The following CLVS1 variants were observed in gnomAD, a reference collection of about 807,000 sequenced individuals.
CLVS1 encodes clavesin-1.
Under a neutral mutation model 33.1 loss-of-function variants are expected in CLVS1, and 10 were observed. The ratio of observed to expected loss-of-function variants is 0.30; its 90% CI spans 0.19 to 0.51. The LOEUF (loss-of-function observed/expected upper bound fraction) is 0.51, where lower values mean the gene tolerates loss of function less well. CLVS1 is among the 20% of genes least tolerant of loss of function. The pLI, the probability that CLVS1 is intolerant of heterozygous loss-of-function variation, is 0.97. For synonymous variants in CLVS1, 163 were observed against 166.1 expected (o/e 0.98, Z 0.14); for missense variants, 343 against 433.4 (o/e 0.79, Z 1.85).
chr8:61,494,319 A>G (rs1804197058), intron 5 of CLVS1, among the ~76,000 whole-genome samples: 1 of 152,166 alleles, frequency 6.6e-6, no homozygotes, highest in Non-Finnish European at 1.5e-5. Context: ...GGAGAGAGAG[A>G]GAATAGCAGG....
chr8:61,330,884 G>A (rs1811567598), intron 2 of CLVS1, among the ~76,000 whole-genome samples: 2 of 150,932 alleles, frequency 1.3e-5, no homozygotes, highest in Admixed American at 1.3e-4. Flanking sequence ...GAGCCTGGGA[G>A]TTCAAGACCA....
At chr8:61,495,484 G>A (rs920234390) in intron 5 of CLVS1, among the ~76,000 whole-genome samples, 6 of 152,190 alleles carry the variant, frequency 3.9e-5, no homozygotes, top group African/African-American at 1.4e-4. Flanking sequence ...CCAAAACAGG[G>A]AAAGGGGAAG....
intron 3 of CLVS1, among the ~76,000 whole-genome samples, chr8:61,411,688 C>G (rs955361572): frequency 6.6e-6 from 1 of 152,168 alleles, no homozygotes; most frequent in Non-Finnish European, 1.5e-5. Context: ...AGTGGGAGCC[C>G]TGGCAAACCT....
At position 61,295,145 on chromosome 8, in the gene CLVS1, T is replaced by C. The variant is rs186022004; in HGVS notation, c.-151-4532T>C. Among the ~76,000 whole-genome samples the C allele has an allele frequency of 6.2e-4, 94 of 152,348 alleles. 1 individual carries two copies. Among genetic ancestry groups the C allele is most frequent in the Admixed American group, 3.1e-3 (48 of 15,304 alleles). On this transcript the variant is annotated intron_variant, in intron 1 of 5. Coordinates refer to ENST00000325897, the MANE Select transcript of CLVS1 (RefSeq NM_173519.3). ...GCCTTGCCGGAGAATGTTTGTGAATTACTCTCCATGCATTTGAAATGGTGT... is the reference window on the plus strand; with the variant it reads ...GCCTTGCCGGAGAATGTTTGTGAATCACTCTCCATGCATTTGAAATGGTGT...
intron 3 of CLVS1, among the ~76,000 whole-genome samples, chr8:61,439,807 G>A (rs1816473463): frequency 6.6e-6 from 1 of 151,810 alleles, no homozygotes; most frequent in Non-Finnish European, 1.5e-5. Context: ...TCTTTTGTGT[G>A]TTTTTTTAAT....
At chr8:61,223,590 T>C (rs1390164552) in intron 2 of CLVS1, among the ~76,000 whole-genome samples, 1 of 152,208 alleles carries the variant, frequency 6.6e-6, no homozygotes, top group Non-Finnish European at 1.5e-5. Context: ...ACCTGGCCTT[T>C]TTCTCTGGCT....
At chr8:61,350,529 A>C (rs1260099574) in intron 2 of CLVS1, among the ~76,000 whole-genome samples, 1 of 152,178 alleles carries the variant, frequency 6.6e-6, no homozygotes, top group Admixed American at 6.6e-5. Flanking sequence ...CCTGAATGGC[A>C]GTTTTACCCT....
At chr8:61,194,196 C>T (rs1807554052) in intron 2 of CLVS1, among the ~76,000 whole-genome samples, 2 of 151,924 alleles carry the variant, frequency 1.3e-5, no homozygotes, top group Admixed American at 6.6e-5. Context: ...GTACATTTAT[C>T]CTAATGTACC....
chr8:60,971,422 G>T, the CLVS1 span, among the ~76,000 whole-genome samples: 1 of 152,034 alleles, frequency 6.6e-6, no homozygotes, highest in African/African-American at 2.4e-5. Context: ...TTGTTTTGTG[G>T]GTGCAGTATC....
intron 2 of CLVS1, among the ~76,000 whole-genome samples, chr8:61,374,611 C>G (rs982737010): frequency 4.6e-5 from 7 of 152,140 alleles, no homozygotes; most frequent in Non-Finnish European, 7.3e-5. Context: ...CACACAAAGT[C>G]CCAATGAAAA....
the CLVS1 span, among the ~76,000 whole-genome samples, chr8:60,970,202 T>A: frequency 2.6e-5 from 4 of 152,238 alleles, no homozygotes; most frequent in Non-Finnish European, 4.4e-5. Context: ...CAACTCTGAT[T>A]CTATGCCTGT....
chr8:61,289,526 A>AT (rs1352043627), intron 1 of CLVS1, among the ~76,000 whole-genome samples: 1 of 152,176 alleles, frequency 6.6e-6, no homozygotes. Flanking sequence ...AAGCATTGGG[A>AT]TTTTTTGACA....
At chr8:61,031,461 G>C in the CLVS1 span, among the ~76,000 whole-genome samples, 1 of 152,194 alleles carries the variant, frequency 6.6e-6, no homozygotes, top group African/African-American at 2.4e-5. Context: ...GACTCAACCA[G>C]AGCAAAATGC....
chr8:61,381,313 A>C (rs1169916617), intron 3 of CLVS1, among the ~76,000 whole-genome samples: 1 of 152,182 alleles, frequency 6.6e-6, no homozygotes, highest in Non-Finnish European at 1.5e-5. Context: ...TCTAACTTTT[A>C]GTCCAGGTAG....
chr8:61,227,878 A>G (rs527528975), intron 2 of CLVS1, among the ~76,000 whole-genome samples: 1 of 152,358 alleles, frequency 6.6e-6, no homozygotes, highest in East Asian at 1.9e-4. Context: ...AAATACTGTT[A>G]GTCAACCAAG....
intron 5 of CLVS1, among the ~76,000 whole-genome samples, chr8:61,482,317 C>T (rs1473345690): frequency 6.6e-6 from 1 of 152,192 alleles, no homozygotes; most frequent in Non-Finnish European, 1.5e-5. Context: ...AATGCAGCTC[C>T]TCACCAGCAA....
the CLVS1 span, among the ~76,000 whole-genome samples, chr8:61,021,581 C>T: frequency 2.0e-5 from 3 of 150,676 alleles, no homozygotes; most frequent in Admixed American, 6.6e-5. Flanking sequence ...AGGGTGGTCT[C>T]GAACTCTTGA....
chr8:61,215,290 A>G (rs1808060079), intron 2 of CLVS1, among the ~76,000 whole-genome samples: 1 of 152,204 alleles, frequency 6.6e-6, no homozygotes, highest in Admixed American at 6.5e-5. Flanking sequence ...GCTATATAAA[A>G]GTATAATTAT....
chr8:61,150,903 A>G (rs1307548942), intron 2 of CLVS1, among the ~76,000 whole-genome samples: 1 of 152,190 alleles, frequency 6.6e-6, no homozygotes, highest in East Asian at 1.9e-4. Flanking sequence ...GGCCACAAGC[A>G]AAAAGCTACC....
Sources: gnomAD v4.1 joint callset for allele counts (sites outside exome capture counted in the v4.1 genomes callset) on GRCh38, gnomAD v4.1.1 for gene constraint, MANE v1.5 for transcripts, NCBI Gene and HGNC (gene_info 2026-07-23, HGNC 2026-07-21) for gene names.